The following OGT variants were observed in gnomAD, a reference collection of about 807,000 sequenced individuals.
OGT encodes the protein O-linked N-acetylglucosamine (GlcNAc) transferase.
A neutral mutation model predicts 75.8 loss-of-function variants in OGT; 3 were observed. That is an observed-to-expected ratio of 0.04 (90% CI 0.02 to 0.10). The LOEUF (loss-of-function observed/expected upper bound fraction) is 0.10, where lower values mean the gene tolerates loss of function less well. Ranked by LOEUF, OGT falls within the 10% of genes least tolerant of loss-of-function variation. OGT has a pLI of 1.00. For missense variants in OGT, 260 were observed against 824.4 expected (o/e 0.32, Z 8.38); for synonymous variants, 257 against 289.7 (o/e 0.89, Z 1.15).
At chrX:71,536,830 CTTTTAATAATTGTTA>C (rs1032460913) in intron 2 of OGT, among the ~76,000 whole-genome samples, 22 of 111,362 alleles carry the variant, frequency 2.0e-4, no homozygotes, top group African/African-American at 7.2e-4. Context: ...TGTTCCTGTC[CTTTTAATAATTGTTA>C]TTCTGGCATA....
rs2040330522 is a variant in OGT at position 71,554,707 on chromosome X, CGTT to C, written c.728+119_728+121del. On this transcript the variant is annotated intron_variant, in intron 6 of 21. Transcript: ENST00000373719. ...TGAAGCATATTTGCCTTTTCTAGCA[CGTT>C]GTTCTCTGCCCATGTCCTGTGTTGC... The C allele has an allele frequency of 1.9e-5, 10 of 529,902 alleles. No individual in the cohort carries two copies. The Admixed American group carries it at 2.5e-4, about 13-fold the overall frequency. The allele number at this position is 529,902 out of a possible 1,213,427, so 43.7% of individuals were successfully genotyped here. A position where few individuals can be genotyped will look rare whatever the true frequency, so the allele number is the denominator to read the frequency against.
chrX:71,552,164 G>A lies in OGT; in HGVS notation c.649-2349G>A, dbSNP rs182479714. 1.4e-3 allele frequency among the ~76,000 whole-genome samples: 157 copies of A among 109,786 alleles called. 1 individual carries two copies. The highest frequency in any genetic ancestry group is 4.9e-3 in the African/African-American group (148 of 30,232). On this transcript the variant is annotated intron_variant, in intron 5 of 21. Transcript: ENST00000373719. ...CTGAACCCGGGAGGAGGAGGAGGTT[G>A]CGGTGAGCCAAGATCGTGCCACTGC... is the stretch of plus-strand genomic sequence containing the variant.
Position 71,559,204 on chromosome X carries a change from G to A in OGT, c.1603-63G>A, listed in dbSNP as rs947077667. On this transcript the variant is annotated intron_variant, in intron 12 of 21. Coordinates refer to ENST00000373719, the MANE Select transcript of OGT (RefSeq NM_181672.3). ...GAGGTATAGGTTTGGTGTGTTTTTCGTCAGTTTTCCTAGATGAAAATTTAT... is the reference window on the plus strand; with the variant it reads ...GAGGTATAGGTTTGGTGTGTTTTTCATCAGTTTTCCTAGATGAAAATTTAT... 16 of 1,091,671 alleles carry A rather than the reference G, an allele frequency of 1.5e-5. No individual in the cohort carries two copies. In the Admixed American group the frequency reaches 1.6e-4, roughly 11 times the overall value. The allele number at this position is 1,091,671 out of a possible 1,213,427, so 90.0% of individuals were successfully genotyped here.
chrX:71,565,947 CAAG>C (rs1338133458), intron 19 of OGT, among the ~76,000 whole-genome samples: 1 of 112,412 alleles, frequency 8.9e-6, no homozygotes, highest in Admixed American at 9.4e-5. Context: ...GAGTTATAAC[CAAG>C]AAGGAGTCGA....
At chrX:71,544,444 G>C (rs1226087365) in intron 3 of OGT, 123 bp from the exon 4 acceptor site, 2 of 636,931 alleles carry the variant, frequency 3.1e-6, no homozygotes, top group African/African-American at 4.5e-5. Flanking sequence ...ACTGAAGTTT[G>C]TCAGGCAGTA....
intron 3 of OGT, 106 bp downstream of exon 3, chrX:71,538,178 A>G (rs2040193159): frequency 1.1e-6 from 1 of 907,350 alleles, no homozygotes; most frequent in African/African-American, 2.0e-5. Flanking sequence ...TAAAGTCAAA[A>G]GTTTAGAAAT....
chrX:71,546,871 TTGAC>T (rs1208574563), intron 4 of OGT: 12 of 754,134 alleles, frequency 1.6e-5, no homozygotes, highest in African/African-American at 2.3e-5. Flanking sequence ...AGTAATCTGA[TTGAC>T]TGGCTCCCTC....
At chrX:71,547,454 T>C (rs1044554891) in intron 4 of OGT, 4 of 744,332 alleles carry the variant, frequency 5.4e-6, no homozygotes, top group Admixed American at 8.7e-5. Flanking sequence ...CCTTTTTTTT[T>C]CAGCCATACC....
chrX:71,555,835 A>G, intron 7 of OGT, 119 bp from the exon 8 acceptor site: 1 of 906,537 alleles, frequency 1.1e-6, no homozygotes. Flanking sequence ...GAATACCAAA[A>G]AATATCAATT....
chrX:71,557,162 A>AT (rs1317251567), intron 10 of OGT, 33 bp from the exon 11 acceptor site: 13 of 1,198,444 alleles, frequency 1.1e-5, no homozygotes, highest in South Asian at 3.6e-5. Context: ...ACTTTTGGAA[A>AT]TTTTTTACCA....
At chrX:71,538,997 T>TAA (rs983079410) in intron 3 of OGT, among the ~76,000 whole-genome samples, 1 of 110,999 alleles carries the variant, frequency 9.0e-6, no homozygotes, top group East Asian at 2.8e-4. Flanking sequence ...TTTTATCAAT[T>TAA]AAAAAAAAAC....
rs776068362 is a variant in OGT, at chrX:71,564,618, A to T, written c.2454A>T (p.Ala818=). The change falls in exon 19 of 22, where the codon GCA becomes GCT. Residue 818 remains alanine (A), a synonymous_variant. Coordinates refer to ENST00000373719, the MANE Select transcript of OGT (RefSeq NM_181672.3). The stretch of plus-strand genomic sequence containing the variant: ...TGTTCTAGATCAACAATAAGGCTGC[A>T]ACTGGAGAGGAGGTTCCCCGTACCA... ...LATTQINNKA[A]TGEEVPRTII... 2.5e-6 allele frequency: 3 copies of T among 1,206,315 alleles called. No individual in the cohort carries two copies. In the South Asian group the frequency reaches 5.4e-5, roughly 22 times the overall value.
intron 20 of OGT, 85 bp downstream of exon 20, chrX:71,567,837 G>GT (rs2040426238): frequency 2.8e-6 from 3 of 1,086,962 alleles, no homozygotes; most frequent in Non-Finnish European, 3.7e-6. Flanking sequence ...GAAATTATAT[G>GT]TACTAGGAGC....
intron 3 of OGT, among the ~76,000 whole-genome samples, chrX:71,539,761 T>G (rs1247159599): frequency 8.9e-6 from 1 of 112,273 alleles, no homozygotes; most frequent in Non-Finnish European, 1.9e-5. Flanking sequence ...GTTGTCACAG[T>G]AAGTTCTTTA....
chrX:71,567,743 A>T lies in OGT; in HGVS notation c.2833A>T (p.Thr945Ser). The change falls in exon 20 of 22, where the codon ACT (threonine) becomes TCT (serine). Residue 945 changes from threonine to serine, a missense_variant. Coordinates refer to ENST00000373719, the MANE Select transcript of OGT (RefSeq NM_181672.3). Reference protein sequence around the residue: ...DVLWAGTPMVTMPGETLASRV... With the variant: ...DVLWAGTPMVSMPGETLASRV... ...CCTCTGGGCAGGGACCCCCATGGTG[A>T]CTATGCCAGGTAAGTTGCTGATAAA... 1 of 1,187,897 alleles carries T rather than the reference A, an allele frequency of 8.4e-7. No individual in the cohort carries two copies. Among genetic ancestry groups the T allele is most frequent in the Non-Finnish European group, 1.1e-6 (1 of 880,162 alleles).
At chrX:71,565,842 C>T (rs2040413210) in intron 19 of OGT, among the ~76,000 whole-genome samples, 1 of 112,360 alleles carries the variant, frequency 8.9e-6, no homozygotes, top group Non-Finnish European at 1.9e-5. Flanking sequence ...CCAGATTTGG[C>T]TCACAGGCTG....
At chrX:71,548,060 G>GCTTA (rs1569426014) in intron 5 of OGT, 37 bp downstream of exon 5, 2 of 1,167,147 alleles carry the variant, frequency 1.7e-6, no homozygotes, top group Non-Finnish European at 2.3e-6. Context: ...TTTTTGAAGT[G>GCTTA]CTTACGCATG....
chrX:71,572,341 T>C (rs1359346525), intron 21 of OGT, among the ~76,000 whole-genome samples: 1 of 112,715 alleles, frequency 8.9e-6, no homozygotes, highest in Non-Finnish European at 1.9e-5. Context: ...TACAGTTTAT[T>C]TTCCTATTGG....
chrX:71,553,917 C>T (rs757581901), intron 5 of OGT, among the ~76,000 whole-genome samples: 2 of 112,062 alleles, frequency 1.8e-5, no homozygotes, highest in Admixed American at 1.9e-4. Context: ...TCTGATTTAA[C>T]TGGCCTGTGA....
Sources: gnomAD v4.1 joint callset for allele counts (sites outside exome capture counted in the v4.1 genomes callset) on GRCh38, gnomAD v4.1.1 for gene constraint, MANE v1.5 for transcripts, NCBI Gene and HGNC (gene_info 2026-07-23, HGNC 2026-07-21) for gene names.